FRMD5: variants seen among roughly 807,000 people sequenced by gnomAD.
FRMD5 encodes FERM domain containing 5.
Under a neutral mutation model 69.0 loss-of-function variants are expected in FRMD5, and 20 were observed. That is an observed-to-expected ratio of 0.29 (90% CI 0.20 to 0.42). The LOEUF is 0.42. Ranked by LOEUF, FRMD5 falls within the 10% of genes least tolerant of loss-of-function variation. FRMD5 has a pLI of 1.00. For missense variants in FRMD5, 595 were observed against 708.6 expected (o/e 0.84, Z 1.82); for synonymous variants, 271 against 260.1 (o/e 1.04, Z -0.40).
chr15:44,138,020 T>C (rs2077212418), intron 1 of FRMD5, among the ~76,000 whole-genome samples: 1 of 152,182 alleles, frequency 6.6e-6, no homozygotes, highest in Non-Finnish European at 1.5e-5. Context: ...ATTATCACAA[T>C]GATCAGAAAT....
intron 2 of FRMD5, among the ~76,000 whole-genome samples, chr15:43,920,768 T>C (rs2089479809): frequency 6.6e-6 from 1 of 152,186 alleles, no homozygotes; most frequent in African/African-American, 2.4e-5. Flanking sequence ...CAGTGTTCAA[T>C]AGGTAGCTGC....
At chr15:43,950,202 C>T (rs2090005709) in intron 1 of FRMD5, among the ~76,000 whole-genome samples, 1 of 152,068 alleles carries the variant, frequency 6.6e-6, no homozygotes, top group African/African-American at 2.4e-5. Flanking sequence ...AGATCTCTGC[C>T]CTAGAGGCCA....
At chr15:43,888,693 C>G in intron 9 of FRMD5, 116 bp downstream of exon 9, 1 of 827,846 alleles carries the variant, frequency 1.2e-6, no homozygotes, top group Non-Finnish European at 2.0e-6. Flanking sequence ...TGACCTTGGT[C>G]TTGGCTTAGT....
chr15:44,121,836 A>G (rs1344706682), intron 1 of FRMD5, among the ~76,000 whole-genome samples: 2 of 151,920 alleles, frequency 1.3e-5, no homozygotes, highest in African/African-American at 4.8e-5. Context: ...CTCTAACTAA[A>G]ATACAAAAAT....
chr15:44,150,923 C>T (rs1192894179), intron 1 of FRMD5, among the ~76,000 whole-genome samples: 2 of 152,146 alleles, frequency 1.3e-5, no homozygotes, highest in Non-Finnish European at 2.9e-5. Context: ...AAAACCCCAT[C>T]TCTACTAATA....
At chr15:44,127,487 G>C (rs1239911244) in intron 1 of FRMD5, among the ~76,000 whole-genome samples, 3 of 152,132 alleles carry the variant, frequency 2.0e-5, no homozygotes, top group Non-Finnish European at 4.4e-5. Flanking sequence ...GAAAAGCAAT[G>C]ACTATCCATC....
intron 1 of FRMD5, among the ~76,000 whole-genome samples, chr15:44,167,394 A>G (rs1242591844): frequency 2.6e-5 from 4 of 152,000 alleles, no homozygotes; most frequent in Non-Finnish European, 5.9e-5. Flanking sequence ...TGTTCAGCAG[A>G]GAACATTACT....
At chr15:44,042,153 C>T (rs544161162) in intron 1 of FRMD5, among the ~76,000 whole-genome samples, 1 of 152,138 alleles carries the variant, frequency 6.6e-6, no homozygotes, top group African/African-American at 2.4e-5. Context: ...ACTATAAACA[C>T]CTCTAAGCAA....
intron 4 of FRMD5, among the ~76,000 whole-genome samples, chr15:43,918,311 T>C (rs960564876): frequency 1.3e-5 from 2 of 152,078 alleles, no homozygotes; most frequent in African/African-American, 4.8e-5. Context: ...GTAATCCCAG[T>C]TAGTCAGGAG....
chr15:44,169,927 C>T (rs1449885676), intron 1 of FRMD5, among the ~76,000 whole-genome samples: 3 of 152,108 alleles, frequency 2.0e-5, no homozygotes, highest in African/African-American at 7.2e-5. Context: ...TAATATTCAG[C>T]CTTTCACTTA....
chr15:43,957,379 T>G (rs2090131496), intron 1 of FRMD5, among the ~76,000 whole-genome samples: 1 of 152,164 alleles, frequency 6.6e-6, no homozygotes, highest in Non-Finnish European at 1.5e-5. Context: ...GTATTTTTAG[T>G]AGAGACAGGA....
intron 1 of FRMD5, among the ~76,000 whole-genome samples, chr15:43,963,930 T>C (rs1219544207): frequency 6.6e-6 from 1 of 152,046 alleles, no homozygotes; most frequent in Non-Finnish European, 1.5e-5. Flanking sequence ...GGCGGAGGGA[T>C]AGCATTAGGT....
At chr15:43,935,141 T>C (rs1319789814) in intron 1 of FRMD5, among the ~76,000 whole-genome samples, 2 of 152,158 alleles carry the variant, frequency 1.3e-5, no homozygotes, top group Non-Finnish European at 2.9e-5. Context: ...CTCCCACATG[T>C]GGTATTTCAG....
intron 1 of FRMD5, among the ~76,000 whole-genome samples, chr15:43,956,488 GA>G (rs925833096): frequency 3.3e-5 from 5 of 152,120 alleles, no homozygotes; most frequent in African/African-American, 7.2e-5. Flanking sequence ...CACATGATGT[GA>G]GACGACTTTT....
intron 1 of FRMD5, among the ~76,000 whole-genome samples, chr15:44,014,226 G>C (rs1566898929): frequency 6.6e-6 from 1 of 152,122 alleles, no homozygotes; most frequent in Admixed American, 6.5e-5. Context: ...GACTGCAGCT[G>C]TGATGGGGGG....
chr15:43,894,071 C>T (rs1232209737), intron 7 of FRMD5, among the ~76,000 whole-genome samples: 4 of 152,200 alleles, frequency 2.6e-5, no homozygotes, highest in East Asian at 1.9e-4. Context: ...GGAATGCAGA[C>T]ACTATGAAGC....
chr15:43,942,085 T>TATA (rs1394916021), intron 1 of FRMD5, among the ~76,000 whole-genome samples: 1 of 152,190 alleles, frequency 6.6e-6, no homozygotes, highest in Non-Finnish European at 1.5e-5. Flanking sequence ...GGCTTGCTGG[T>TATA]ATAGGGGTAG....
intron 13 of FRMD5, chr15:43,875,803 A>ATTTTTT (rs2088328044): frequency 4.3e-6 from 2 of 467,804 alleles, no homozygotes; most frequent in Admixed American, 4.8e-5. Flanking sequence ...TCCTGGGCCT[A>ATTTTTT]GTTTTTTTTT....
intron 1 of FRMD5, among the ~76,000 whole-genome samples, chr15:43,990,339 T>C (rs766815292): frequency 1.2e-4 from 19 of 152,214 alleles, no homozygotes; most frequent in South Asian, 6.2e-4. Flanking sequence ...TATTTGCTTT[T>C]TGCAATAGTC....
Sources: gnomAD v4.1 joint callset for allele counts (sites outside exome capture counted in the v4.1 genomes callset) on GRCh38, gnomAD v4.1.1 for gene constraint, MANE v1.5 for transcripts, NCBI Gene and HGNC (gene_info 2026-07-23, HGNC 2026-07-21) for gene names.